Variants in EXOC4 observed in about 807,000 individuals in gnomAD.
The protein encoded by EXOC4 is SEC8-like 1.
EXOC4 carries 71 observed loss-of-function variants against 107.2 expected under a neutral mutation model. The observed-to-expected ratio is 0.66, with a 90% CI of 0.55 to 0.81. The LOEUF is 0.81. Among genes scored for constraint, EXOC4 ranks in the 30% least tolerant of loss-of-function variants. The pLI is 0.00. For synonymous variants in EXOC4, 456 were observed against 441.2 expected, an observed-to-expected ratio of 1.03 and a Z score of -0.42; for missense variants, 1,108 against 1,189.6, an observed-to-expected ratio of 0.93 and a Z score of 1.01.
chr7:133,861,178 A>G (rs368072312), intron 11 of EXOC4, among the ~76,000 whole-genome samples: 1 of 152,200 alleles, frequency 6.6e-6, no homozygotes, highest in Non-Finnish European at 1.5e-5. Context: ...TAAGTCATAG[A>G]AGAGAACCCC....
the EXOC4 span, among the ~76,000 whole-genome samples, chr7:134,092,939 G>A: frequency 6.8e-3 from 834 of 121,768 alleles, 2 homozygotes; most frequent in African/African-American, 0.027. Flanking sequence ...AAAAAAAAAA[G>A]GAAACCAAAG....
intron 9 of EXOC4, among the ~76,000 whole-genome samples, chr7:133,620,233 G>A (rs916232647): frequency 2.0e-5 from 3 of 151,756 alleles, no homozygotes; most frequent in Admixed American, 6.6e-5. Context: ...CACCATCTTG[G>A]CCAGGCTGGT....
At position 133,263,337 on chromosome 7, in the gene EXOC4, A is replaced by G. The variant is rs576871667; in HGVS notation, c.86+10150A>G. Among the ~76,000 whole-genome samples the G allele has an allele frequency of 3.3e-5, 5 of 150,772 alleles. 1 individual carries two copies. In the South Asian group the frequency reaches 1.0e-3, roughly 31 times the overall value. On this transcript the variant is annotated intron_variant, in intron 1 of 17. Transcript: ENST00000253861. Reference sequence around the variant, plus strand: ...AATTGTTAAAATTTTTTTTTCTGAGATAAACATTATATAGATATGTTTTTT... The same window carrying G: ...AATTGTTAAAATTTTTTTTTCTGAGGTAAACATTATATAGATATGTTTTTT...
intron 10 of EXOC4, among the ~76,000 whole-genome samples, chr7:133,723,031 T>G (rs553930493): frequency 6.6e-6 from 1 of 152,356 alleles, no homozygotes; most frequent in East Asian, 1.9e-4. Context: ...TAAGTGTTAC[T>G]TATCCATTTA....
chr7:133,676,057 T>A (rs1375178642), intron 10 of EXOC4, among the ~76,000 whole-genome samples: 1 of 152,100 alleles, frequency 6.6e-6, no homozygotes, highest in African/African-American at 2.4e-5. Flanking sequence ...CAGTCAGATC[T>A]GTTAGTGCAA....
chr7:133,318,402 A>G (rs1175661774), intron 5 of EXOC4, among the ~76,000 whole-genome samples: 1 of 152,216 alleles, frequency 6.6e-6, no homozygotes, highest in Non-Finnish European at 1.5e-5. Context: ...GGGCCTCTGC[A>G]GAGAGTTTCT....
At chr7:133,257,366 G>GCACACACACA (rs35107499) in intron 1 of EXOC4, among the ~76,000 whole-genome samples, 16 of 149,798 alleles carry the variant, frequency 1.1e-4, no homozygotes, top group South Asian at 4.2e-4. Flanking sequence ...TTACACACAC[G>GCACACACACA]CACACACACA....
intron 11 of EXOC4, among the ~76,000 whole-genome samples, chr7:133,860,824 A>G (rs941741686): frequency 6.6e-6 from 1 of 152,158 alleles, no homozygotes; most frequent in Non-Finnish European, 1.5e-5. Flanking sequence ...TGATGTCATG[A>G]TCTACCTAAA....
In EXOC4 at chr7:133,725,339, C is replaced by G. The variant is rs1248541158; in HGVS notation, c.1515-91986C>G. On this transcript the variant is annotated intron_variant, in intron 10 of 17. Coordinates refer to ENST00000253861, the MANE Select transcript of EXOC4 (RefSeq NM_021807.4). ...CAAAAATTTTTTTTCTTATAAAGGG[C>G]TAGCTAGTAACTATATTAGGGTTTA... is the stretch of plus-strand genomic sequence containing the variant. 2.0e-5 allele frequency among the ~76,000 whole-genome samples: 3 copies of G among 151,988 alleles called. No individual in the cohort carries two copies. The East Asian group carries it at 5.8e-4, about 29-fold the overall frequency.
the EXOC4 span, among the ~76,000 whole-genome samples, chr7:134,100,837 G>A: frequency 7.7e-6 from 1 of 129,048 alleles, no homozygotes; most frequent in Admixed American, 8.7e-5. Flanking sequence ...CCAGCTACTT[G>A]GGAGGCTGAG....
intron 3 of EXOC4, among the ~76,000 whole-genome samples, chr7:133,295,968 A>G (rs1794510800): frequency 6.6e-6 from 1 of 152,144 alleles, no homozygotes; most frequent in Non-Finnish European, 1.5e-5. Context: ...ACTGTAAAAC[A>G]ATGTTCCAGT....
At chr7:133,956,316 C>T (rs1222426205) in intron 14 of EXOC4, among the ~76,000 whole-genome samples, 1 of 152,028 alleles carries the variant, frequency 6.6e-6, no homozygotes, top group Non-Finnish European at 1.5e-5. Context: ...AGAGGCGGCT[C>T]AAATAGGATG....
chr7:133,501,919 A>G (rs1799582868), intron 9 of EXOC4, among the ~76,000 whole-genome samples: 1 of 152,290 alleles, frequency 6.6e-6, no homozygotes, highest in East Asian at 1.9e-4. Context: ...GATTAGCTGC[A>G]CTGTCTCTTC....
intron 10 of EXOC4, among the ~76,000 whole-genome samples, chr7:133,670,134 G>A (rs1004563327): frequency 5.9e-5 from 9 of 152,266 alleles, no homozygotes; most frequent in East Asian, 3.9e-4. Context: ...GAAGTGTCTC[G>A]TTTAAAGATT....
intron 15 of EXOC4, among the ~76,000 whole-genome samples, chr7:134,002,856 T>C (rs1007414650): frequency 6.6e-6 from 1 of 151,768 alleles, no homozygotes; most frequent in Non-Finnish European, 1.5e-5. Flanking sequence ...ACTGGAACTT[T>C]TGTATACTGC....
intron 10 of EXOC4, among the ~76,000 whole-genome samples, chr7:133,652,010 T>C (rs1267356008): frequency 1.3e-5 from 2 of 152,214 alleles, no homozygotes; most frequent in South Asian, 2.1e-4. Context: ...CAGGTGCGAC[T>C]TGATAGATTG....
chr7:134,093,552 A>ACT, the EXOC4 span, among the ~76,000 whole-genome samples: 3 of 152,198 alleles, frequency 2.0e-5, no homozygotes, highest in African/African-American at 7.2e-5. Flanking sequence ...CTGGACTTAA[A>ACT]CTCAACACTT....
At chr7:133,291,864 T>C (rs987456563) in intron 3 of EXOC4, among the ~76,000 whole-genome samples, 1 of 152,206 alleles carries the variant, frequency 6.6e-6, no homozygotes, top group East Asian at 1.9e-4. Flanking sequence ...ATCCTTTTTC[T>C]ACTGATTCAT....
chr7:133,473,519 A>G (rs1368700125), intron 7 of EXOC4, among the ~76,000 whole-genome samples: 2 of 152,070 alleles, frequency 1.3e-5, no homozygotes, highest in Non-Finnish European at 2.9e-5. Flanking sequence ...CCCTTTATTA[A>G]TGACCTTTTT....
Sources: gnomAD v4.1 joint callset for allele counts (sites outside exome capture counted in the v4.1 genomes callset) on GRCh38, gnomAD v4.1.1 for gene constraint, MANE v1.5 for transcripts, NCBI Gene and HGNC (gene_info 2026-07-23, HGNC 2026-07-21) for gene names.